The following CTNNA3 variants were observed in gnomAD, a reference collection of about 807,000 sequenced individuals.
The protein encoded by CTNNA3 is catenin alpha 3.
Under a neutral mutation model 95.7 loss-of-function variants are expected in CTNNA3, and 76 were observed. That is an observed-to-expected ratio of 0.79 (90% CI 0.66 to 0.96). The LOEUF (loss-of-function observed/expected upper bound fraction) is 0.96, where lower values mean the gene tolerates loss of function less well. Among genes scored for constraint, CTNNA3 ranks in the 40% least tolerant of loss-of-function variants. The pLI is 0.00. For missense variants in CTNNA3, 1,191 were observed against 1,089.8 expected, an observed-to-expected ratio of 1.09 and a Z score of -1.31; for synonymous variants, 431 against 374.4, an observed-to-expected ratio of 1.15 and a Z score of -1.74.
chr10:66,396,941 T>A (rs2092982859), intron 11 of CTNNA3, among the ~76,000 whole-genome samples: 1 of 151,828 alleles, frequency 6.6e-6, no homozygotes, highest in Admixed American at 6.6e-5. Flanking sequence ...TATAAGCTTT[T>A]CACTTATAAA....
Position 66,309,947 on chromosome 10 carries a change from AAAT to A in CTNNA3, c.1733-29329_1733-29327del, listed in dbSNP as rs1327145862. 3.1e-5 allele frequency among the ~76,000 whole-genome samples: 4 copies of A among 130,768 alleles called. 1 individual carries two copies. Among genetic ancestry groups the A allele is most frequent in the African/African-American group, 9.5e-5 (3 of 31,672 alleles). The allele number at this position is 130,768 out of a possible 152,430, so 85.8% of individuals were successfully genotyped here. ...TAAATAAATAAATAAATAAATAAATAAATAAATAAAATAAAAATAAAAATAAAT... is the reference window on the plus strand; with the variant it reads ...TAAATAAATAAATAAATAAATAAATAAAATAAAATAAAAATAAAAATAAAT... On this transcript the variant is annotated intron_variant, in intron 12 of 17. Transcript: ENST00000433211.
At chr10:66,198,737 T>C (rs1379928433) in intron 13 of CTNNA3, among the ~76,000 whole-genome samples, 4 of 152,116 alleles carry the variant, frequency 2.6e-5, no homozygotes, top group Non-Finnish European at 5.9e-5. Context: ...AAATTATCTA[T>C]CCAAAAATGT....
chr10:67,458,906 C>T (rs1359839843), intron 5 of CTNNA3, among the ~76,000 whole-genome samples: 1 of 152,122 alleles, frequency 6.6e-6, no homozygotes, highest in East Asian at 1.9e-4. Flanking sequence ...TATCAATCCC[C>T]AAGAACGTGG....
intron 1 of CTNNA3, among the ~76,000 whole-genome samples, chr10:67,691,835 T>C (rs1427819285): frequency 7.2e-6 from 1 of 139,310 alleles, no homozygotes; most frequent in Non-Finnish European, 1.6e-5. Flanking sequence ...CCGCCCCTAC[T>C]GGGAAGTGAG....
chr10:66,931,688 G>C (rs1256461203), intron 7 of CTNNA3, among the ~76,000 whole-genome samples: 1 of 151,386 alleles, frequency 6.6e-6, no homozygotes, highest in Non-Finnish European at 1.5e-5. Context: ...ATTTCCTTGG[G>C]AAATATAATT....
intron 9 of CTNNA3, among the ~76,000 whole-genome samples, chr10:66,763,341 C>CAGAG (rs1554848276): frequency 1.2e-4 from 17 of 139,208 alleles, no homozygotes; most frequent in African/African-American, 3.0e-4. Context: ...CACACACACA[C>CAGAG]AGAGAGAGAG....
chr10:66,732,069 T>C (rs1479775786), intron 9 of CTNNA3, among the ~76,000 whole-genome samples: 1 of 152,250 alleles, frequency 6.6e-6, no homozygotes, highest in Non-Finnish European at 1.5e-5. Flanking sequence ...GTTTGTAACA[T>C]CTAGATTTAA....
At chr10:66,472,062 T>A (rs1839155200) in intron 11 of CTNNA3, among the ~76,000 whole-genome samples, 1 of 151,996 alleles carries the variant, frequency 6.6e-6, no homozygotes, top group African/African-American at 2.4e-5. Context: ...GAAAGCATCC[T>A]CCCTGGGCTT....
intron 7 of CTNNA3, among the ~76,000 whole-genome samples, chr10:66,998,154 C>T (rs185956128): frequency 5.6e-4 from 86 of 152,294 alleles, no homozygotes; most frequent in Middle Eastern, 3.4e-3. Context: ...ATTCCTAACA[C>T]GGCATTTTAG....
At chr10:67,203,535 T>G (rs1246098226) in intron 6 of CTNNA3, among the ~76,000 whole-genome samples, 1 of 152,212 alleles carries the variant, frequency 6.6e-6, no homozygotes, top group Non-Finnish European at 1.5e-5. Flanking sequence ...CCATTGGATA[T>G]CTAAGCTATC....
At chr10:66,704,359 T>C (rs1175607408) in intron 9 of CTNNA3, among the ~76,000 whole-genome samples, 1 of 152,166 alleles carries the variant, frequency 6.6e-6, no homozygotes, top group Non-Finnish European at 1.5e-5. Context: ...CTTATCACTG[T>C]TACCCAATAC....
At chr10:66,090,767 T>G (rs7905122) in intron 14 of CTNNA3, among the ~76,000 whole-genome samples, 1 of 151,866 alleles carries the variant, frequency 6.6e-6, no homozygotes, top group South Asian at 2.1e-4. Flanking sequence ...TATATGTCTG[T>G]TCATATTTAC....
intron 11 of CTNNA3, among the ~76,000 whole-genome samples, chr10:66,426,716 T>A (rs1308011003): frequency 6.6e-6 from 1 of 151,940 alleles, no homozygotes; most frequent in East Asian, 1.9e-4. Flanking sequence ...TTAAGGATTG[T>A]GTTTATTGAC....
chr10:67,039,878 C>T (rs1854288595), intron 7 of CTNNA3, among the ~76,000 whole-genome samples: 1 of 152,066 alleles, frequency 6.6e-6, no homozygotes, highest in South Asian at 2.1e-4. Flanking sequence ...ATCTGAATAC[C>T]TATGACCTCA....
chr10:65,936,042 C>T (rs2077332050), intron 17 of CTNNA3, among the ~76,000 whole-genome samples: 1 of 152,050 alleles, frequency 6.6e-6, no homozygotes, highest in South Asian at 2.1e-4. Flanking sequence ...CCTGATGTAT[C>T]TTGGTTTCAG....
rs532508005 is a variant in CTNNA3 at position 66,517,500 on chromosome 10, A to G, written c.1531+3117T>C. On this transcript the variant is annotated intron_variant, in intron 11 of 17. Coordinates refer to ENST00000433211, the MANE Select transcript of CTNNA3 (RefSeq NM_013266.4). ...AGAGTGACCTCTGCTCATCCTCACT[A>G]CTACACTGCCATCAGCCCCATGACA... Among the ~76,000 whole-genome samples, 8 of 152,170 alleles carry G rather than the reference A, an allele frequency of 5.3e-5. No homozygotes were observed. The East Asian group carries it at 1.6e-3, about 30-fold the overall frequency.
intron 5 of CTNNA3, among the ~76,000 whole-genome samples, chr10:67,485,908 G>A (rs773679301): frequency 8.5e-5 from 13 of 152,074 alleles, no homozygotes; most frequent in Non-Finnish European, 1.6e-4. Context: ...TTCTTTGTTG[G>A]TTTTCTTTTG....
intron 5 of CTNNA3, among the ~76,000 whole-genome samples, chr10:67,365,284 C>T (rs192993749): frequency 8.4e-4 from 128 of 152,228 alleles, no homozygotes; most frequent in Non-Finnish European, 1.5e-3. Flanking sequence ...AGAAGAAAAC[C>T]TAGGCAATAC....
intron 12 of CTNNA3, among the ~76,000 whole-genome samples, chr10:66,372,240 A>G (rs2092759759): frequency 1.3e-5 from 2 of 152,182 alleles, no homozygotes; most frequent in South Asian, 4.1e-4. Flanking sequence ...TTTAAACATA[A>G]ATTATTTTTC....
Sources: allele counts gnomAD v4.1 joint callset (sites outside exome capture counted in the v4.1 genomes callset), GRCh38; gene constraint gnomAD v4.1.1; transcripts MANE v1.5; gene names NCBI Gene and HGNC (gene_info 2026-07-23, HGNC 2026-07-21).